The following DLEU7 variants were observed in gnomAD, a reference collection of about 807,000 sequenced individuals.
DLEU7 encodes deleted in lymphocytic leukemia 7, also known as leukemia-associated protein 7.
In DLEU7, 17 loss-of-function variants were observed where a neutral mutation model predicts 16.0. The observed-to-expected ratio is 1.06, with a 90% confidence interval of 0.73 to 1.59. DLEU7 has a LOEUF of 1.59. Among genes scored for constraint, DLEU7 ranks in the 40% most tolerant of loss-of-function variants. The pLI, the probability that DLEU7 is intolerant of heterozygous loss-of-function variation, is 0.00. For missense variants in DLEU7, 308 were observed against 314.9 expected (o/e 0.98, Z 0.17); for synonymous variants, 113 against 139.8 (o/e 0.81, Z 1.35).
intron 1 of DLEU7, among the ~76,000 whole-genome samples, chr13:50,828,592 C>G (rs956375996): frequency 8.5e-5 from 13 of 152,138 alleles, no homozygotes; most frequent in Non-Finnish European, 1.2e-4. Flanking sequence ...AAAAGAGAAA[C>G]AGATACTGTC....
At chr13:50,787,392 A>C (rs1236259640) in intron 1 of DLEU7, among the ~76,000 whole-genome samples, 1 of 152,190 alleles carries the variant, frequency 6.6e-6, no homozygotes, top group African/African-American at 2.4e-5. Flanking sequence ...TAACATTTAA[A>C]GTAGCATTTG....
chr13:50,721,128 G>A (rs866471129), intron 1 of DLEU7, among the ~76,000 whole-genome samples: 23 of 152,174 alleles, frequency 1.5e-4, no homozygotes, highest in African/African-American at 3.9e-4. Flanking sequence ...GGGAGAAGCC[G>A]ACTTGCTGAG....
intron 1 of DLEU7, among the ~76,000 whole-genome samples, chr13:50,743,445 C>A (rs1457288886): frequency 6.6e-6 from 1 of 152,180 alleles, no homozygotes; most frequent in Non-Finnish European, 1.5e-5. Context: ...AGATTTAAAT[C>A]CTGGCTCTAT....
At chr13:50,748,884 A>G (rs1258322977) in intron 1 of DLEU7, among the ~76,000 whole-genome samples, 1 of 152,162 alleles carries the variant, frequency 6.6e-6, no homozygotes, top group Non-Finnish European at 1.5e-5. Context: ...CAGTCAAGTC[A>G]ATCTACATGC....
At chr13:50,818,376 C>T (rs1282684521), downstream of DLEU7, 1 of 152,130 alleles carries the variant, frequency 6.6e-6, no homozygotes, top group Admixed American at 6.6e-5. Context: ...TTTAACTCAA[C>T]ATCTGCCTAA....
intron 1 of DLEU7, among the ~76,000 whole-genome samples, chr13:50,752,888 T>G (rs1044164839): frequency 3.9e-5 from 6 of 152,136 alleles, no homozygotes; most frequent in African/African-American, 1.4e-4. Flanking sequence ...CCTGCTTTTA[T>G]TCTCTTATCT....
intron 1 of DLEU7, among the ~76,000 whole-genome samples, chr13:50,810,221 C>T (rs1876526196): frequency 1.3e-5 from 2 of 149,456 alleles, no homozygotes; most frequent in Non-Finnish European, 3.0e-5. Flanking sequence ...GCTAAATTCT[C>T]TTAAGAATTT....
intron 1 of DLEU7, among the ~76,000 whole-genome samples, chr13:50,740,447 G>A (rs954575496): frequency 2.6e-5 from 4 of 152,098 alleles, no homozygotes; most frequent in Admixed American, 2.0e-4. Context: ...ATAAAATTAG[G>A]ATATTAGACT....
At chr13:50,831,930 A>G (rs546006312) in intron 1 of DLEU7, among the ~76,000 whole-genome samples, 19 of 152,270 alleles carry the variant, frequency 1.2e-4, no homozygotes, top group African/African-American at 4.6e-4. Context: ...CATCAGGGAT[A>G]TTGGCCTGAA....
At chr13:50,716,091 A>T (rs910208821) in intron 1 of DLEU7, among the ~76,000 whole-genome samples, 1 of 152,262 alleles carries the variant, frequency 6.6e-6, no homozygotes, top group Admixed American at 6.5e-5. Flanking sequence ...CATAAATGTT[A>T]GATCAACCTA....
At chr13:50,722,971 T>C (rs2137708675) in intron 1 of DLEU7, among the ~76,000 whole-genome samples, 1 of 152,352 alleles carries the variant, frequency 6.6e-6, no homozygotes, top group Non-Finnish European at 1.5e-5. Flanking sequence ...TGTACTCATT[T>C]GCAAAACAAC....
chr13:50,813,925 C>T (rs959703453), intron 1 of DLEU7, among the ~76,000 whole-genome samples: 1 of 152,014 alleles, frequency 6.6e-6, no homozygotes, highest in Non-Finnish European at 1.5e-5. Flanking sequence ...AAAAGTCAGA[C>T]CCACACTTGG....
chr13:50,711,069 T>G (rs569813212), downstream of DLEU7: 3 of 152,216 alleles, frequency 2.0e-5, no homozygotes, highest in Non-Finnish European at 4.4e-5. Context: ...ATTTTTAAAT[T>G]TCCATAAATC....
At chr13:50,815,020 G>A (rs1876688203) in intron 1 of DLEU7, among the ~76,000 whole-genome samples, 2 of 151,774 alleles carry the variant, frequency 1.3e-5, no homozygotes, top group Non-Finnish European at 1.5e-5. Context: ...TAAATAAAAG[G>A]TAAAAAATGG....
At chr13:50,789,293 C>T (rs746321178) in intron 1 of DLEU7, among the ~76,000 whole-genome samples, 67 of 150,310 alleles carry the variant, frequency 4.5e-4, no homozygotes, top group Admixed American at 2.1e-3. Flanking sequence ...TGCTGCTGCC[C>T]GTGCTCCTGA....
intron 1 of DLEU7, among the ~76,000 whole-genome samples, chr13:50,809,974 C>A (rs1455699742): frequency 6.6e-6 from 1 of 151,210 alleles, no homozygotes; most frequent in African/African-American, 2.4e-5. Flanking sequence ...CCAGCAGGGA[C>A]AAGAACAGAT....
intron 1 of DLEU7, among the ~76,000 whole-genome samples, chr13:50,755,587 C>T (rs1199070278): frequency 6.6e-6 from 1 of 151,872 alleles, no homozygotes; most frequent in Non-Finnish European, 1.5e-5. Context: ...ATATTTCTCC[C>T]TTCACTTCTT....
At chr13:50,807,270 A>G (rs1314421382) in intron 1 of DLEU7, among the ~76,000 whole-genome samples, 2 of 152,096 alleles carry the variant, frequency 1.3e-5, no homozygotes, top group Admixed American at 1.3e-4. Context: ...CGGCTTCCTT[A>G]AGAAGCTTTC....
chr13:50,802,466 A>G (rs1402975548), intron 1 of DLEU7, among the ~76,000 whole-genome samples: 1 of 152,174 alleles, frequency 6.6e-6, no homozygotes, highest in Non-Finnish European at 1.5e-5. Flanking sequence ...TGTTCTTCAT[A>G]TTGGTGTCTT....
Sources: allele counts gnomAD v4.1 joint callset (sites outside exome capture counted in the v4.1 genomes callset), GRCh38; gene constraint gnomAD v4.1.1; transcripts MANE v1.5; gene names NCBI Gene and HGNC (gene_info 2026-07-23, HGNC 2026-07-21).